The following FRMD4A variants were observed in gnomAD, a reference collection of about 807,000 sequenced individuals.
The protein encoded by FRMD4A is FERM domain containing 4A.
A neutral mutation model predicts 129.1 loss-of-function variants in FRMD4A; 29 were observed. The observed-to-expected ratio is 0.22, with a 90% CI of 0.17 to 0.31. The LOEUF (loss-of-function observed/expected upper bound fraction) is 0.31. FRMD4A is among the 10% of genes least tolerant of loss of function. The probability of loss-of-function intolerance (pLI) is 1.00; values close to 1 mark genes in which losing one functional copy is unlikely to be tolerated. For synonymous variants in FRMD4A, 634 were observed against 571.6 expected (o/e 1.11, Z -1.56); for missense variants, 1,272 against 1,375.8 (o/e 0.92, Z 1.19).
chr10:13,781,537 C>A (rs559832867), intron 6 of FRMD4A, among the ~76,000 whole-genome samples: 6 of 151,758 alleles, frequency 4.0e-5, no homozygotes, highest in Non-Finnish European at 7.4e-5. Flanking sequence ...AACACCACAT[C>A]TGGCTAATTT....
At chr10:13,728,639 C>T (rs1431945068) in intron 12 of FRMD4A, among the ~76,000 whole-genome samples, 3 of 133,122 alleles carry the variant, frequency 2.3e-5, no homozygotes, top group African/African-American at 8.4e-5. Flanking sequence ...GGCGTGATCT[C>T]GGCTCCCTGC....
In FRMD4A at chr10:13,714,861, AC is replaced by A. The variant is rs374527324; in HGVS notation, c.760-7749del. 4.8e-3 allele frequency among the ~76,000 whole-genome samples: 721 copies of A among 151,564 alleles called. 7 individuals carry two copies. The highest frequency in any genetic ancestry group is 0.016 in the African/African-American group (676 of 41,278). On this transcript the variant is annotated intron_variant, in intron 12 of 24. Coordinates refer to ENST00000357447, the MANE Select transcript of FRMD4A (RefSeq NM_018027.5). ...AAGACCAGCCTGGCCAACATGGTGA[AC>A]CTCTGTCTCTACTAAAAATACAAAA...
chr10:13,943,491 T>C (rs1332970694), intron 2 of FRMD4A, among the ~76,000 whole-genome samples: 5 of 150,392 alleles, frequency 3.3e-5, no homozygotes, highest in Non-Finnish European at 3.0e-5. Flanking sequence ...CTACTAAAAA[T>C]ACAAAAATTA....
At chr10:13,754,761 A>C (rs142143254) in intron 8 of FRMD4A, among the ~76,000 whole-genome samples, 18 of 152,258 alleles carry the variant, frequency 1.2e-4, no homozygotes, top group African/African-American at 3.9e-4. Flanking sequence ...GTAGATATTA[A>C]AGTTACTGTT....
chr10:14,033,052 A>C (rs1364542047), intron 2 of FRMD4A, among the ~76,000 whole-genome samples: 2 of 152,230 alleles, frequency 1.3e-5, no homozygotes, highest in African/African-American at 4.8e-5. Context: ...CACGCCTATA[A>C]TCCCAGCACT....
At chr10:14,194,500 A>G (rs867585489) in intron 2 of FRMD4A, among the ~76,000 whole-genome samples, 11 of 152,156 alleles carry the variant, frequency 7.2e-5, no homozygotes, top group Non-Finnish European at 1.5e-4. Context: ...AGTCCCAGCT[A>G]CTCGGGAGGC....
intron 2 of FRMD4A, among the ~76,000 whole-genome samples, chr10:13,923,752 T>A (rs1214094299): frequency 6.6e-6 from 1 of 152,200 alleles, no homozygotes; most frequent in Non-Finnish European, 1.5e-5. Context: ...AGATATTTCA[T>A]CTTATTGGTG....
chr10:14,125,961 C>T (rs1303519032), intron 2 of FRMD4A, among the ~76,000 whole-genome samples: 1 of 152,144 alleles, frequency 6.6e-6, no homozygotes, highest in Non-Finnish European at 1.5e-5. Flanking sequence ...GCTCTAACTC[C>T]ACTTTATTTA....
chr10:14,264,369 G>T (rs969564407), intron 2 of FRMD4A, among the ~76,000 whole-genome samples: 1 of 152,122 alleles, frequency 6.6e-6, no homozygotes, highest in South Asian at 2.1e-4. Flanking sequence ...CCATGCAACC[G>T]CTGATTAATT....
intron 2 of FRMD4A, among the ~76,000 whole-genome samples, chr10:13,951,539 CAT>C (rs1244249197): frequency 6.6e-6 from 1 of 152,054 alleles, no homozygotes; most frequent in Admixed American, 6.6e-5. Flanking sequence ...CAACCAGCCA[CAT>C]TTCGGGGAGT....
rs1054540041 is a variant in FRMD4A, at chr10:13,800,308, T to C, written c.207-3720A>G. ...ACTGTTAGGTGCTCAAAAGAAGTATTTGCTCATTGATTTGAATGACTGCCT... is the reference window on the plus strand; with the variant it reads ...ACTGTTAGGTGCTCAAAAGAAGTATCTGCTCATTGATTTGAATGACTGCCT... On this transcript the variant is annotated intron_variant, in intron 4 of 24. Coordinates refer to ENST00000357447, the MANE Select transcript of FRMD4A (RefSeq NM_018027.5). 2.6e-5 allele frequency among the ~76,000 whole-genome samples: 4 copies of C among 152,228 alleles called. No homozygotes were observed. The South Asian group carries it at 8.3e-4, about 32-fold the overall frequency.
At chr10:14,093,313 GT>G (rs2131756741) in intron 2 of FRMD4A, among the ~76,000 whole-genome samples, 1 of 152,324 alleles carries the variant, frequency 6.6e-6, no homozygotes, top group South Asian at 2.1e-4. Flanking sequence ...AGATTTTAGT[GT>G]CTTTTAATAA....
chr10:14,141,887 G>C (rs1220021364), intron 2 of FRMD4A, among the ~76,000 whole-genome samples: 1 of 152,034 alleles, frequency 6.6e-6, no homozygotes, highest in East Asian at 1.9e-4. Flanking sequence ...TGTATCTTTG[G>C]CTCCTCTGAT....
intron 2 of FRMD4A, among the ~76,000 whole-genome samples, chr10:13,927,580 C>T (rs946620503): frequency 2.6e-5 from 4 of 152,098 alleles, no homozygotes; most frequent in Non-Finnish European, 5.9e-5. Flanking sequence ...TTAAAATAGC[C>T]AAAAAATACC....
intron 15 of FRMD4A, chr10:13,684,273 TA>T (rs2084879035): frequency 2.1e-6 from 2 of 972,646 alleles, no homozygotes; most frequent in South Asian, 9.5e-5. Context: ...GGGCTGACCC[TA>T]AAAAGACAAT....
intron 2 of FRMD4A, among the ~76,000 whole-genome samples, chr10:14,259,593 C>T (rs1279039590): frequency 1.3e-5 from 2 of 152,248 alleles, no homozygotes; most frequent in African/African-American, 4.8e-5. Context: ...GCTATTTTAA[C>T]TTTTTTCTTT....
chr10:14,164,005 A>G (rs780621333), intron 2 of FRMD4A, among the ~76,000 whole-genome samples: 19 of 152,132 alleles, frequency 1.2e-4, no homozygotes, highest in Non-Finnish European at 1.5e-5. Context: ...GATGAGGCCA[A>G]TGGCCCGTGT....
chr10:14,082,071 C>A (rs1835960881), intron 2 of FRMD4A, among the ~76,000 whole-genome samples: 1 of 152,008 alleles, frequency 6.6e-6, no homozygotes, highest in African/African-American at 2.4e-5. Flanking sequence ...CATGGTGAAA[C>A]CCCATCTCTA....
intron 14 of FRMD4A, among the ~76,000 whole-genome samples, chr10:13,700,820 C>CTTTTTTTTTTTTTT (rs71503097): frequency 4.5e-5 from 2 of 44,708 alleles, no homozygotes; most frequent in African/African-American, 1.7e-4. Context: ...AGGGTAGTTG[C>CTTTTTTTTTTTTTT]TTTTTTTTTT....
Sources: allele counts gnomAD v4.1 joint callset (sites outside exome capture counted in the v4.1 genomes callset), GRCh38; gene constraint gnomAD v4.1.1; transcripts MANE v1.5; gene names NCBI Gene and HGNC (gene_info 2026-07-23, HGNC 2026-07-21).